Variants in DYM observed in about 807,000 individuals in gnomAD.
DYM encodes the protein dyggve-Melchior-Clausen syndrome protein.
Under a neutral mutation model 93.1 loss-of-function variants are expected in DYM, and 78 were observed. The ratio of observed to expected loss-of-function variants is 0.84; its 90% CI spans 0.70 to 1.01. The LOEUF is 1.01. Among genes scored for constraint, DYM ranks in the 50% least tolerant of loss-of-function variants. The pLI, the probability that DYM is intolerant of heterozygous loss-of-function variation, is 0.00. For synonymous variants in DYM, 321 were observed against 319.7 expected (o/e 1.00, Z -0.04); for missense variants, 789 against 845.0 (o/e 0.93, Z 0.82).
intron 6 of DYM, among the ~76,000 whole-genome samples, chr18:49,356,361 C>T (rs760059844): frequency 6.6e-6 from 1 of 152,134 alleles, no homozygotes; most frequent in African/African-American, 2.4e-5. Context: ...AAACTTAATA[C>T]GTAATACTGT....
chr18:49,427,918 T>G (rs545249944), intron 2 of DYM, among the ~76,000 whole-genome samples: 1 of 152,146 alleles, frequency 6.6e-6, no homozygotes, highest in Non-Finnish European at 1.5e-5. Context: ...CAAGACCTTA[T>G]GTCTACAAAA....
intron 13 of DYM, among the ~76,000 whole-genome samples, chr18:49,242,138 G>A (rs1416608679): frequency 1.3e-5 from 2 of 152,224 alleles, no homozygotes; most frequent in South Asian, 2.1e-4. Context: ...TGGGCTGGGT[G>A]CAGTGGCTCA....
chr18:49,405,609 T>A (rs1051725678), intron 2 of DYM, among the ~76,000 whole-genome samples: 2 of 152,208 alleles, frequency 1.3e-5, no homozygotes, highest in African/African-American at 4.8e-5. Context: ...TGTGCCAATA[T>A]CATGCTGGTT....
In DYM at chr18:49,151,078, C is replaced by G. The variant is rs2085765180; in HGVS notation, c.1728+12607G>C. On this transcript the variant is annotated intron_variant, in intron 15 of 17. Coordinates refer to ENST00000675505, the MANE Select transcript of DYM (RefSeq NM_001353214.3). Reference sequence around the variant, plus strand: ...TGGCCTTCCTACTTCCCAAAGTATACCACTGCCCATTACCAAGATCTCCAA... The same window carrying G: ...TGGCCTTCCTACTTCCCAAAGTATAGCACTGCCCATTACCAAGATCTCCAA... Among the ~76,000 whole-genome samples the G allele has an allele frequency of 1.3e-5, 2 of 152,176 alleles. 1 individual carries two copies. The highest frequency in any genetic ancestry group is 4.1e-4 in the South Asian group (2 of 4,834).
At chr18:49,158,587 C>T (rs2086705015) in intron 15 of DYM, among the ~76,000 whole-genome samples, 1 of 152,164 alleles carries the variant, frequency 6.6e-6, no homozygotes, top group Non-Finnish European at 1.5e-5. Flanking sequence ...CCAGAAAAAT[C>T]TTTAAGGGAC....
At chr18:49,059,303 G>A (rs981128625) in intron 17 of DYM, among the ~76,000 whole-genome samples, 2 of 152,144 alleles carry the variant, frequency 1.3e-5, no homozygotes, top group Non-Finnish European at 2.9e-5. Context: ...CAGCCTCCAG[G>A]ACAGTGAAAA....
rs1192764730 is a variant in DYM at position 49,225,182 on chromosome 18, GA to G, written c.1461-15468del. On this transcript the variant is annotated intron_variant, in intron 13 of 17. Coordinates refer to ENST00000675505, the MANE Select transcript of DYM (RefSeq NM_001353214.3). ...TTAAATATGCATTAAGTTTCCAGGG[GA>G]AATTTTTGCAAACTAAAAATTTATA... 2.0e-5 allele frequency among the ~76,000 whole-genome samples: 3 copies of G among 152,098 alleles called. No homozygotes were observed. The East Asian group carries it at 5.8e-4, about 29-fold the overall frequency.
chr18:49,353,301 T>C (rs192612591), intron 6 of DYM, among the ~76,000 whole-genome samples: 1,627 of 152,248 alleles, frequency 0.011, 10 homozygotes, highest in Non-Finnish European at 0.015. Context: ...TGTCTTCTCA[T>C]TATTTTTATT....
rs80304487 is a variant in DYM, at chr18:49,415,927, C to CAAAAAAAA, written c.140+14320_140+14327dup. On this transcript the variant is annotated intron_variant, in intron 2 of 17. Transcript: ENST00000675505. ...GGGCAACAAGAGCGAAACTCTGACT[C>CAAAAAAAA]AAAAAAAAAAAAAAAAGGTAGATTG... Among the ~76,000 whole-genome samples the CAAAAAAAA allele has an allele frequency of 7.1e-5, 6 of 84,522 alleles. No homozygotes were observed. In the East Asian group the frequency reaches 9.6e-4, roughly 14 times the overall value. 55.4% of individuals were successfully genotyped at this position (84,522 alleles called of 152,430 possible). A position where few individuals can be genotyped will look rare whatever the true frequency, so the allele number is the denominator to read the frequency against.
At chr18:49,223,653 T>G (rs1408094172) in intron 13 of DYM, among the ~76,000 whole-genome samples, 1 of 152,080 alleles carries the variant, frequency 6.6e-6, no homozygotes, top group East Asian at 1.9e-4. Flanking sequence ...AACAAAGTAC[T>G]ACAGATGAAA....
At chr18:49,237,943 A>G (rs572023730) in intron 13 of DYM, among the ~76,000 whole-genome samples, 1 of 150,670 alleles carries the variant, frequency 6.6e-6, no homozygotes, top group South Asian at 2.1e-4. Context: ...AGATCAATGT[A>G]CCATATTTAA....
chr18:49,390,683 T>G (rs2069141216), intron 3 of DYM: 1 of 152,136 alleles, frequency 6.6e-6, no homozygotes. Context: ...ATTTTTGGAT[T>G]TTTAGTAGTG....
Position 49,430,437 on chromosome 18 carries a change from C to T in DYM, c.-43G>A. 6.2e-7 allele frequency: 1 copy of T among 1,609,272 alleles called. No individual in the cohort carries two copies. Among genetic ancestry groups the T allele is most frequent in the East Asian group, 2.2e-5 (1 of 44,844 alleles). ...TAATTTGTCCTTAAACCTGCATTTC[C>T]AAAAGACAACCTATAAAAAATAAAA... On this transcript the variant is annotated 5_prime_UTR_variant, in exon 2 of 18. Transcript: ENST00000675505.
rs1306242234 is a variant in DYM at position 49,039,912 on chromosome 18, G to C, written c.*4143C>G. The C allele has an allele frequency of 6.6e-6, 1 of 152,188 alleles. No homozygotes were observed. Among genetic ancestry groups the C allele is most frequent in the Admixed American group, 6.5e-5 (1 of 15,290 alleles). The allele number at this position is 152,188 out of a possible 1,614,324, so 9.4% of individuals were successfully genotyped here. A position where few individuals can be genotyped will look rare whatever the true frequency, so the allele number is the denominator to read the frequency against. Reference sequence around the variant, plus strand: ...GGTTTTAATTCAAGTAATTAATGTTGTCTGGTCTTCTCCCATACCTGGGTA... The same window carrying C: ...GGTTTTAATTCAAGTAATTAATGTTCTCTGGTCTTCTCCCATACCTGGGTA... On this transcript the variant is annotated 3_prime_UTR_variant, in exon 18 of 18. Coordinates refer to ENST00000675505, the MANE Select transcript of DYM (RefSeq NM_001353214.3).
chr18:49,392,527 T>G, intron 2 of DYM, among the ~76,000 whole-genome samples: 1 of 151,588 alleles, frequency 6.6e-6, no homozygotes. Flanking sequence ...CAACCCAATT[T>G]TAAAATGGAC....
intron 8 of DYM, among the ~76,000 whole-genome samples, chr18:49,292,355 G>GACAGACAGACAGAC: frequency 1.2e-5 from 1 of 84,744 alleles, no homozygotes; most frequent in African/African-American, 3.7e-5. Flanking sequence ...CAGACAGACA[G>GACAGACAGACAGAC]ACACACACAC....
chr18:49,280,833 T>G (rs1352432686), intron 10 of DYM, among the ~76,000 whole-genome samples: 1 of 152,176 alleles, frequency 6.6e-6, no homozygotes, highest in Admixed American at 6.5e-5. Context: ...ATGTTAGACC[T>G]AAAACCATAA....
intron 14 of DYM, among the ~76,000 whole-genome samples, chr18:49,203,883 A>AAC (rs2092314782): frequency 7.1e-6 from 1 of 141,074 alleles, no homozygotes; most frequent in South Asian, 2.4e-4. Flanking sequence ...AAAAAAAAAA[A>AAC]AAAAAAAAAA....
chr18:49,405,172 T>C (rs1464026132), intron 2 of DYM, among the ~76,000 whole-genome samples: 1 of 152,198 alleles, frequency 6.6e-6, no homozygotes, highest in Admixed American at 6.5e-5. Flanking sequence ...AGTTTGCAAA[T>C]ATTTTCTCCC....
Sources: allele counts gnomAD v4.1 joint callset (sites outside exome capture counted in the v4.1 genomes callset), GRCh38; gene constraint gnomAD v4.1.1; transcripts MANE v1.5; gene names NCBI Gene and HGNC (gene_info 2026-07-23, HGNC 2026-07-21).